The following SCP2 variants were observed in gnomAD, a reference collection of about 807,000 sequenced individuals.
SCP2 encodes SCP-2/3-oxoacyl-CoA thiolase.
Under a neutral mutation model 71.4 loss-of-function variants are expected in SCP2, and 48 were observed. That is an observed-to-expected ratio of 0.67 (90% confidence interval 0.53 to 0.86). SCP2 has a LOEUF of 0.86. Among genes scored for constraint, SCP2 ranks in the 40% least tolerant of loss-of-function variants. The pLI, the probability that SCP2 is intolerant of heterozygous loss-of-function variation, is 0.00. For synonymous variants in SCP2, 220 were observed against 218.1 expected, an observed-to-expected ratio of 1.01 and a Z score of -0.08; for missense variants, 560 against 655.6, an observed-to-expected ratio of 0.85 and a Z score of 1.59.
At chr1:52,988,159 T>C in intron 11 of SCP2, 23 bp downstream of exon 11, 1 of 1,181,724 alleles carries the variant, frequency 8.5e-7, no homozygotes, top group Non-Finnish European at 1.3e-6. Context: ...ACAGATTTCA[T>C]ACATTTTAAA....
intron 2 of SCP2, chr1:52,944,047 T>C: frequency 5.3e-6 from 1 of 189,020 alleles, no homozygotes; most frequent in South Asian, 1.2e-4. Flanking sequence ...ATGTTTTGGT[T>C]TGGGGGCAAG....
chr1:53,003,214 T>C (rs1169119790), intron 11 of SCP2, among the ~76,000 whole-genome samples: 5 of 152,300 alleles, frequency 3.3e-5, no homozygotes, highest in African/African-American at 9.6e-5. Context: ...TCTGTTTCTA[T>C]TTCTTTTCTT....
At chr1:52,939,013 C>A (rs918348973) in intron 1 of SCP2, among the ~76,000 whole-genome samples, 1 of 152,172 alleles carries the variant, frequency 6.6e-6, no homozygotes, top group Non-Finnish European at 1.5e-5. Flanking sequence ...ATAAATTTTA[C>A]CTTTTCCAGA....
chr1:52,968,652 C>T (rs1374675354), intron 6 of SCP2, among the ~76,000 whole-genome samples: 1 of 152,150 alleles, frequency 6.6e-6, no homozygotes, highest in African/African-American at 2.4e-5. Flanking sequence ...CAGTCCATTA[C>T]CTCCTCTTCT....
Position 53,014,933 on chromosome 1 carries a change from A to C in SCP2, c.1125A>C (p.Glu375Asp), listed in dbSNP as rs771295169. 7.4e-6 allele frequency: 12 copies of C among 1,613,732 alleles called. No homozygotes were observed. In the South Asian group the frequency reaches 1.3e-4, roughly 18 times the overall value. Residue 375 changes from glutamate to aspartate, a missense_variant, in exon 12 of 16, where the codon GAA (glutamate) becomes GAC (aspartate). Around this residue, in one of 3 missense-constraint regions of SCP2, gnomAD observed 513 missense variants for 573.1 expected, o/e 0.90. Coordinates refer to ENST00000371514, the MANE Select transcript of SCP2 (RefSeq NM_002979.5). ...CAELCWQLRG[E>D]AGKRQVPGAK... ...AACTCTGCTGGCAGCTGAGAGGGGAAGCCGGAAAGAGGCAAGTTCCTGGTG... is the reference window on the plus strand; with the variant it reads ...AACTCTGCTGGCAGCTGAGAGGGGACGCCGGAAAGAGGCAAGTTCCTGGTG...
chr1:53,002,057 G>A (rs372843636), intron 11 of SCP2, among the ~76,000 whole-genome samples: 24 of 152,020 alleles, frequency 1.6e-4, no homozygotes, highest in African/African-American at 5.1e-4. Flanking sequence ...GGTGGCAGGC[G>A]CCTGTAGTCC....
intron 2 of SCP2, among the ~76,000 whole-genome samples, chr1:52,947,292 C>T (rs1424397094): frequency 1.4e-5 from 2 of 138,956 alleles, no homozygotes; most frequent in African/African-American, 5.3e-5. Flanking sequence ...GCTTATAATT[C>T]TCAGGCCTGT....
chr1:52,950,715 C>A, intron 3 of SCP2, 40 bp from the exon 4 acceptor site: 1 of 1,576,548 alleles, frequency 6.3e-7, no homozygotes, highest in South Asian at 1.1e-5. Flanking sequence ...CATTGCAACT[C>A]CATAATTCTC....
intron 14 of SCP2, among the ~76,000 whole-genome samples, chr1:53,043,884 G>A (rs1663601189): frequency 6.6e-6 from 1 of 152,110 alleles, no homozygotes; most frequent in Non-Finnish European, 1.5e-5. Flanking sequence ...TAAGGATTTA[G>A]ACCTTTTTTC....
At chr1:53,017,690 A>G (rs1661427964) in intron 12 of SCP2, among the ~76,000 whole-genome samples, 1 of 152,202 alleles carries the variant, frequency 6.6e-6, no homozygotes, top group Non-Finnish European at 1.5e-5. Context: ...TGAAGATCCT[A>G]AGTCATATAA....
chr1:53,028,673 A>C (rs60926139), intron 13 of SCP2, among the ~76,000 whole-genome samples: 20,861 of 152,094 alleles, frequency 0.14, 2,040 homozygotes, highest in East Asian at 0.32. Context: ...TCTGCCACTC[A>C]GAGTTTACTG....
At chr1:52,948,816 G>A (rs1021368270) in intron 3 of SCP2, among the ~76,000 whole-genome samples, 1 of 151,972 alleles carries the variant, frequency 6.6e-6, no homozygotes, top group Non-Finnish European at 1.5e-5. Context: ...TATAATAATT[G>A]CCACAATCCA....
intron 3 of SCP2, among the ~76,000 whole-genome samples, chr1:52,948,947 ATTT>A (rs35066602): frequency 5.5e-5 from 8 of 146,414 alleles, no homozygotes; most frequent in African/African-American, 2.0e-4. Context: ...CCCCAACAAC[ATTT>A]TTTTTTTTTT....
At chr1:52,966,608 A>G (rs116167803) in intron 6 of SCP2, among the ~76,000 whole-genome samples, 10,144 of 152,016 alleles carry the variant, frequency 0.067, 571 homozygotes, top group East Asian at 0.21. Context: ...AATAGGGGCC[A>G]GTTGTGGTGG....
At chr1:52,935,492 A>G (rs1043403571) in intron 1 of SCP2, among the ~76,000 whole-genome samples, 1 of 151,288 alleles carries the variant, frequency 6.6e-6, no homozygotes. Context: ...CGAGAGGCTG[A>G]GGCAGGAGAA....
chr1:53,010,302 C>A (rs1660900069), intron 11 of SCP2, among the ~76,000 whole-genome samples: 1 of 152,188 alleles, frequency 6.6e-6, no homozygotes, highest in South Asian at 2.1e-4. Context: ...GATTATAAAT[C>A]ATGCTGCTAT....
intron 1 of SCP2, among the ~76,000 whole-genome samples, chr1:52,941,007 C>A (rs982912232): frequency 5.9e-5 from 9 of 152,204 alleles, no homozygotes; most frequent in South Asian, 2.1e-4. Flanking sequence ...CCTCGGCCTC[C>A]CAAAGTGCTG....
intron 12 of SCP2, among the ~76,000 whole-genome samples, chr1:53,027,405 A>C (rs1481478206): frequency 2.0e-5 from 3 of 152,116 alleles, no homozygotes; most frequent in Non-Finnish European, 4.4e-5. Flanking sequence ...ACTAGGATGT[A>C]AGATTCATGA....
At chr1:53,029,952 G>A (rs142151341) in intron 13 of SCP2, among the ~76,000 whole-genome samples, 5,612 of 151,798 alleles carry the variant, frequency 0.037, 208 homozygotes, top group East Asian at 0.2. Flanking sequence ...GCAGTGGCGC[G>A]ATCTTGGCTC....
Sources: allele counts gnomAD v4.1 joint callset (sites outside exome capture counted in the v4.1 genomes callset), GRCh38; gene constraint gnomAD v4.1.1; regional missense constraint gnomAD v4.1.1; transcripts MANE v1.5; gene names NCBI Gene and HGNC (gene_info 2026-07-23, HGNC 2026-07-21).